The following SGK3 variants were observed in gnomAD, a reference collection of about 807,000 sequenced individuals.
SGK3 encodes the protein serum/glucocorticoid regulated kinase family member 3.
A neutral mutation model predicts 68.5 loss-of-function variants in SGK3; 47 were observed. That is an observed-to-expected ratio of 0.69 (90% CI 0.54 to 0.87). The LOEUF is 0.87. SGK3 is among the 40% of genes least tolerant of loss of function. The pLI is 0.00. For synonymous variants in SGK3, 181 were observed against 189.1 expected, an observed-to-expected ratio of 0.96 and a Z score of 0.35; for missense variants, 479 against 575.5, an observed-to-expected ratio of 0.83 and a Z score of 1.72.
chr8:66,859,205 C>T (rs1018027136), intron 16 of SGK3, among the ~76,000 whole-genome samples: 9 of 152,090 alleles, frequency 5.9e-5, no homozygotes, highest in South Asian at 2.1e-4. Context: ...GGTAGGTGGG[C>T]GCCTGTAATC....
At chr8:66,764,987 T>C (rs1362422790) in intron 1 of SGK3, among the ~76,000 whole-genome samples, 2 of 152,240 alleles carry the variant, frequency 1.3e-5, no homozygotes, top group Non-Finnish European at 2.9e-5. Context: ...TTTCACCTCT[T>C]GAGTATTGTG....
intron 16 of SGK3, among the ~76,000 whole-genome samples, chr8:66,852,679 C>G (rs1810343985): frequency 6.6e-6 from 1 of 151,988 alleles, no homozygotes; most frequent in Admixed American, 6.6e-5. Context: ...ATACATAGCT[C>G]ATAGCTGGTA....
chr8:66,749,435 A>C (rs1805748476), intron 1 of SGK3, among the ~76,000 whole-genome samples: 1 of 152,070 alleles, frequency 6.6e-6, no homozygotes, highest in African/African-American at 2.4e-5. Context: ...AAACCCAGCT[A>C]TTCAGTTTCC....
intron 1 of SGK3, among the ~76,000 whole-genome samples, chr8:66,721,232 C>A (rs1374944372): frequency 1.3e-5 from 2 of 152,184 alleles, no homozygotes; most frequent in African/African-American, 4.8e-5. Context: ...TCCATCCATC[C>A]CCTTTTCTTC....
intron 1 of SGK3, among the ~76,000 whole-genome samples, chr8:66,789,121 C>G (rs758218075): frequency 1.7e-4 from 23 of 139,068 alleles, no homozygotes; most frequent in Admixed American, 4.3e-4. Flanking sequence ...TAATTTTATT[C>G]AGAAAAAAAA....
intron 1 of SGK3, chr8:66,778,007 TCTG>T (rs1394098932): frequency 6.6e-6 from 1 of 152,302 alleles, no homozygotes; most frequent in Admixed American, 6.5e-5. Context: ...AGTGAGGACT[TCTG>T]CTGCCCTTTC....
At chr8:66,746,892 A>G (rs1206673751) in intron 1 of SGK3, among the ~76,000 whole-genome samples, 1 of 152,050 alleles carries the variant, frequency 6.6e-6, no homozygotes, top group East Asian at 1.9e-4. Context: ...TGGAGAGACT[A>G]TGCTAATGTT....
intron 2 of SGK3, among the ~76,000 whole-genome samples, chr8:66,797,942 T>TA (rs1807765899): frequency 6.6e-6 from 1 of 152,150 alleles, no homozygotes; most frequent in African/African-American, 2.4e-5. Flanking sequence ...AAATATTTTG[T>TA]AACATTTGAA....
At chr8:66,849,552 A>G (rs1302799328) in intron 15 of SGK3, among the ~76,000 whole-genome samples, 1 of 150,470 alleles carries the variant, frequency 6.6e-6, no homozygotes, top group Non-Finnish European at 1.5e-5. Flanking sequence ...TGACTCTTCA[A>G]TCTAATTCTC....
chr8:66,845,595 G>T (rs986593435), intron 14 of SGK3, among the ~76,000 whole-genome samples: 1 of 151,918 alleles, frequency 6.6e-6, no homozygotes, highest in African/African-American at 2.4e-5. Flanking sequence ...GAATGATCAC[G>T]ACTCACTGCA....
At chr8:66,857,788 AGTGTGTGTGTATGT>A (rs1225069272) in intron 16 of SGK3, among the ~76,000 whole-genome samples, 79 of 115,504 alleles carry the variant, frequency 6.8e-4, no homozygotes, top group African/African-American at 1.8e-3. Flanking sequence ...GTCTCAAAAA[AGTGTGTGTGTATGT>A]GTGTGTGTGT....
intron 1 of SGK3, among the ~76,000 whole-genome samples, chr8:66,741,110 G>A (rs1309947795): frequency 6.6e-6 from 1 of 152,034 alleles, no homozygotes; most frequent in Non-Finnish European, 1.5e-5. Context: ...TTAATTTTGG[G>A]TAGACTTTCT....
chr8:66,793,417 A>G (rs1451672495), intron 1 of SGK3, among the ~76,000 whole-genome samples, 199 bp from the exon 2 acceptor site: 1 of 152,190 alleles, frequency 6.6e-6, no homozygotes, highest in Non-Finnish European at 1.5e-5. Flanking sequence ...CCTAATAGTA[A>G]GAAAGGTAGA....
chr8:66,835,721 T>C, intron 8 of SGK3, 42 bp from the exon 9 acceptor site: 1 of 1,569,386 alleles, frequency 6.4e-7, no homozygotes, highest in African/African-American at 1.4e-5. Flanking sequence ...CTATCAAAAT[T>C]TGAAATTTCT....
chr8:66,754,729 G>A (rs1461503600), intron 1 of SGK3, among the ~76,000 whole-genome samples: 4 of 152,156 alleles, frequency 2.6e-5, no homozygotes. Flanking sequence ...CTATCTCATC[G>A]CCCACGTGGA....
intron 1 of SGK3, among the ~76,000 whole-genome samples, chr8:66,792,450 G>A (rs1473284025): frequency 1.3e-5 from 2 of 151,888 alleles, no homozygotes; most frequent in African/African-American, 4.8e-5. Flanking sequence ...CATTATACCT[G>A]AATATTCAAT....
chr8:66,732,410 C>G lies in SGK3; in HGVS notation c.-122+19577C>G, dbSNP rs537144585. On this transcript the variant is annotated intron_variant, in intron 1 of 16. Coordinates refer to ENST00000521198, the MANE Select transcript of SGK3 (RefSeq NM_001033578.3). ...GGCTGAAGCAGGAGAATCACTTGAA[C>G]CCAGGAGGCAGAGGTTGCAGTGTGC... Among the ~76,000 whole-genome samples, 541 of 151,882 alleles carry G rather than the reference C, an allele frequency of 3.6e-3. 8 individuals are homozygous for G. Among genetic ancestry groups the G allele is most frequent in the African/African-American group, 0.012 (507 of 41,382 alleles).
At chr8:66,771,834 G>A (rs1373009588) in intron 1 of SGK3, among the ~76,000 whole-genome samples, 2 of 151,868 alleles carry the variant, frequency 1.3e-5, no homozygotes, top group African/African-American at 2.4e-5. Context: ...AGAATAGGTA[G>A]ATTACTTTTT....
In SGK3 at chr8:66,835,986, T is replaced by A. The variant is rs781657155; in HGVS notation, c.653T>A (p.Val218Glu). Residue 218 changes from valine (V) to glutamate (E), a missense_variant, in exon 10 of 17, where the codon GTG (valine) becomes GAG (glutamate). Val to Glu is a moderately radical substitution (Grantham distance 121, BLOSUM62 -2). This residue lies in a region of SGK3 where 298 missense variants were observed against 329.4 expected (regional missense o/e 0.90). Coordinates refer to ENST00000521198, the MANE Select transcript of SGK3 (RefSeq NM_001033578.3). Reference sequence around the variant, plus strand: ...GAACGTAATGTGCTCTTGAAAAATGTGAAACATCCGTTTTTGGTTGGATTG... The same window carrying A: ...GAACGTAATGTGCTCTTGAAAAATGAGAAACATCCGTTTTTGGTTGGATTG... ...MAERNVLLKNVKHPFLVGLHY... is the reference protein window; with the variant it reads ...MAERNVLLKNEKHPFLVGLHY... 11 of 1,613,808 alleles carry A rather than the reference T, an allele frequency of 6.8e-6. No individual in the cohort carries two copies. The highest frequency in any genetic ancestry group is 8.5e-6 in the Non-Finnish European group (10 of 1,179,892).
Sources: gnomAD v4.1 joint callset for allele counts (sites outside exome capture counted in the v4.1 genomes callset) on GRCh38, gnomAD v4.1.1 for gene constraint, gnomAD v4.1.1 regional missense constraint, MANE v1.5 for transcripts, NCBI Gene and HGNC (gene_info 2026-07-23, HGNC 2026-07-21) for gene names.